Variants in MUSK observed in about 807,000 individuals in gnomAD.
MUSK encodes muscle associated receptor tyrosine kinase, also known as muscle, skeletal receptor tyrosine-protein kinase.
A neutral mutation model predicts 88.7 loss-of-function variants in MUSK; 55 were observed. The observed-to-expected ratio is 0.62, with a 90% confidence interval of 0.50 to 0.78. The LOEUF is 0.78. MUSK is among the 30% of genes least tolerant of loss of function. The probability of loss-of-function intolerance (pLI) is 0.00; values close to 1 mark genes in which losing one functional copy is unlikely to be tolerated. For synonymous variants in MUSK, 387 were observed against 391.9 expected (o/e 0.99, Z 0.15); for missense variants, 1,015 against 1,074.3 (o/e 0.94, Z 0.77).
chr9:110,786,829 A>G (rs1021656236), intron 13 of MUSK, among the ~76,000 whole-genome samples: 1 of 152,164 alleles, frequency 6.6e-6, no homozygotes, highest in Non-Finnish European at 1.5e-5. Flanking sequence ...GAGCCAGAGA[A>G]TATGAATTTG....
At chr9:110,763,937 T>G (rs2131939000) in intron 8 of MUSK, among the ~76,000 whole-genome samples, 1 of 152,308 alleles carries the variant, frequency 6.6e-6, no homozygotes, top group Non-Finnish European at 1.5e-5. Flanking sequence ...TGAGAATTCT[T>G]TACCTACTCC....
rs1405529163 is a variant in MUSK, at chr9:110,800,385, C to T, written c.2007C>T (p.Ser669=). The change falls in exon 15 of 15, where the codon AGC becomes AGT. Residue 669 remains serine, a synonymous_variant. Coordinates refer to ENST00000374448, the MANE Select transcript of MUSK (RefSeq NM_005592.4). ...AYGDLNEFLR[S]MSPHTVCSLS... is the part of the protein sequence containing the mutation. The stretch of plus-strand genomic sequence containing the variant: ...GTGACCTCAATGAGTTCCTCCGCAG[C>T]ATGTCCCCTCACACCGTGTGCAGCC... The T allele has an allele frequency of 5.6e-6, 9 of 1,613,920 alleles. No homozygotes were observed. The highest frequency in any genetic ancestry group is 6.8e-6 in the Non-Finnish European group (8 of 1,179,878).
Position 110,668,876 on chromosome 9 carries a change from A to T in MUSK, c.-29A>T, listed in dbSNP as rs577843415. 6.3e-7 allele frequency: 1 copy of T among 1,586,510 alleles called. No homozygotes were observed. The highest frequency in any genetic ancestry group is 1.3e-5 in the African/African-American group (1 of 74,430). On this transcript the variant is annotated 5_prime_UTR_variant, in exon 1 of 15. Transcript: ENST00000374448. ...ATTTTCCTTGCGTTGTCCAGAAGGA[A>T]CTTCGTCCTGCGTGAGCCTGGATTA...
At chr9:110,677,583 G>GCTTAGGGCACCAGC (rs1321780742) in intron 1 of MUSK, among the ~76,000 whole-genome samples, 7 of 151,894 alleles carry the variant, frequency 4.6e-5, no homozygotes, top group Non-Finnish European at 2.9e-5. Context: ...CTTCTAATTG[G>GCTTAGGGCACCAGC]CTTAGGGCAC....
rs1043200342 is a variant in MUSK, at chr9:110,801,599, C to G, written c.*611C>G. ...GATAGAGGGTTTCTAAGGAATGAAA[C>G]AGCAAATCAGCAAGCCTGTAACTCT... is the stretch of plus-strand genomic sequence containing the variant. On this transcript the variant is annotated 3_prime_UTR_variant, in exon 15 of 15. Transcript: ENST00000374448. 4 of 152,176 alleles carry G rather than the reference C, an allele frequency of 2.6e-5. No individual in the cohort carries two copies. The highest frequency in any genetic ancestry group is 4.4e-5 in the Non-Finnish European group (3 of 68,036). 9.4% of individuals were successfully genotyped at this position (152,176 alleles called of 1,614,324 possible). A position where few individuals can be genotyped will look rare whatever the true frequency, so the allele number is the denominator to read the frequency against.
intron 8 of MUSK, among the ~76,000 whole-genome samples, chr9:110,764,969 C>G (rs990707383): frequency 1.3e-5 from 2 of 152,186 alleles, no homozygotes; most frequent in Admixed American, 1.3e-4. Flanking sequence ...GGATTCAATA[C>G]TAGCAGAAAT....
intron 8 of MUSK, among the ~76,000 whole-genome samples, chr9:110,766,722 C>A (rs1216721161): frequency 2.0e-5 from 3 of 151,986 alleles, no homozygotes; most frequent in Non-Finnish European, 4.4e-5. Flanking sequence ...ACTTTAAATT[C>A]TTTATATAAA....
At chr9:110,781,372 G>C (rs2821146) in intron 11 of MUSK, among the ~76,000 whole-genome samples, 25,559 of 152,126 alleles carry the variant, frequency 0.17, 2,856 homozygotes, top group Admixed American at 0.32. Context: ...CGCCTCCCGG[G>C]TTCACGCCAT....
intron 3 of MUSK, among the ~76,000 whole-genome samples, chr9:110,693,007 C>T: frequency 6.6e-6 from 1 of 152,028 alleles, no homozygotes; most frequent in East Asian, 1.9e-4. Flanking sequence ...TTATGGAATA[C>T]TGATTTGGTA....
chr9:110,709,923 T>A (rs1473167523), intron 5 of MUSK, among the ~76,000 whole-genome samples: 1 of 152,096 alleles, frequency 6.6e-6, no homozygotes, highest in Non-Finnish European at 1.5e-5. Context: ...GGCAGGAGGA[T>A]TGCTTGAGGC....
chr9:110,700,618 C>T (rs553779906), intron 5 of MUSK, among the ~76,000 whole-genome samples: 13 of 112,070 alleles, frequency 1.2e-4, no homozygotes, highest in African/African-American at 2.4e-4. Context: ...GATTTCTCTT[C>T]GAAAAATATT....
chr9:110,706,206 GCTTT>G (rs1325948943), intron 5 of MUSK: 6 of 405,482 alleles, frequency 1.5e-5, no homozygotes, highest in African/African-American at 6.4e-5. Flanking sequence ...GGCTCATAAA[GCTTT>G]CTTTATTTTT....
At position 110,724,019 on chromosome 9, in the gene MUSK, T is replaced by C. The variant is rs185921904; in HGVS notation, c.629-10232T>C. Among the ~76,000 whole-genome samples, 206 of 152,178 alleles carry C rather than the reference T, an allele frequency of 1.4e-3. 1 individual carries two copies. The highest frequency in any genetic ancestry group is 4.5e-3 in the African/African-American group (187 of 41,560). On this transcript the variant is annotated intron_variant, in intron 5 of 14. Coordinates refer to ENST00000374448, the MANE Select transcript of MUSK (RefSeq NM_005592.4). ...CCTCAGGGCTGTATGATGGCTTAAG[T>C]GCCATCTTCTGATTCATTAATTCTT...
In MUSK at chr9:110,725,545, C is replaced by A. The variant is rs114053059; in HGVS notation, c.629-8706C>A. Among the ~76,000 whole-genome samples the A allele has an allele frequency of 9.8e-3, 1,494 of 152,016 alleles. 27 individuals carry two copies. Among genetic ancestry groups the A allele is most frequent in the African/African-American group, 0.034 (1,395 of 41,534 alleles). ...TGAATAAATTATATCTCAGATTAGT[C>A]CAATAAGAGCAGTCATTGATTATTC... On this transcript the variant is annotated intron_variant, in intron 5 of 14. Transcript: ENST00000374448.
Position 110,689,128 on chromosome 9 carries a change from C to T in MUSK, c.358+1860C>T, listed in dbSNP as rs1326602668. Reference sequence around the variant, plus strand: ...TAGTTTTATAATTTATTTATATAAACTACATAAATAAACTATATATTTATA... The same window carrying T: ...TAGTTTTATAATTTATTTATATAAATTACATAAATAAACTATATATTTATA... On this transcript the variant is annotated intron_variant, in intron 3 of 14. Coordinates refer to ENST00000374448, the MANE Select transcript of MUSK (RefSeq NM_005592.4). Among the ~76,000 whole-genome samples the T allele has an allele frequency of 4.5e-4, 52 of 116,034 alleles. No homozygotes were observed. The East Asian group carries it at 0.01, about 23-fold the overall frequency. The allele number at this position is 116,034 out of a possible 152,430, so 76.1% of individuals were successfully genotyped here. A position where few individuals can be genotyped will look rare whatever the true frequency, so the allele number is the denominator to read the frequency against.
chr9:110,745,356 G>A (rs1259394834), intron 6 of MUSK, among the ~76,000 whole-genome samples: 1 of 152,174 alleles, frequency 6.6e-6, no homozygotes, highest in Non-Finnish European at 1.5e-5. Flanking sequence ...TTGCTTCAAA[G>A]TTGTCTCTAA....
intron 1 of MUSK, among the ~76,000 whole-genome samples, chr9:110,678,917 A>G (rs1307235090): frequency 6.6e-6 from 1 of 151,576 alleles, no homozygotes. Flanking sequence ...CTATCTTTTT[A>G]TTGTCTATTT....
At chr9:110,710,112 G>A (rs2076649201) in intron 5 of MUSK, among the ~76,000 whole-genome samples, 1 of 152,200 alleles carries the variant, frequency 6.6e-6, no homozygotes, top group African/African-American at 2.4e-5. Flanking sequence ...GAACTTGAGT[G>A]TCTTATTCCT....
At chr9:110,771,949 T>C (rs1050547720) in intron 9 of MUSK, among the ~76,000 whole-genome samples, 9 of 152,108 alleles carry the variant, frequency 5.9e-5, no homozygotes, top group Non-Finnish European at 1.3e-4. Context: ...TATTTTCCAT[T>C]TTGTTAACGA....
Sources: gnomAD v4.1 joint callset for allele counts (sites outside exome capture counted in the v4.1 genomes callset) on GRCh38, gnomAD v4.1.1 for gene constraint, MANE v1.5 for transcripts, NCBI Gene and HGNC (gene_info 2026-07-23, HGNC 2026-07-21) for gene names.